Variants in TTLL6 observed in about 807,000 individuals in gnomAD.
TTLL6 encodes tubulin polyglutamylase TTLL6.
A neutral mutation model predicts 96.4 loss-of-function variants in TTLL6; 75 were observed. The observed-to-expected ratio is 0.78, with a 90% CI of 0.65 to 0.94. TTLL6 has a LOEUF of 0.94. Among genes scored for constraint, TTLL6 ranks in the 40% least tolerant of loss-of-function variants. The pLI, the probability that TTLL6 is intolerant of heterozygous loss-of-function variation, is 0.00. For missense variants in TTLL6, 1,030 were observed against 1,093.0 expected, an observed-to-expected ratio of 0.94 and a Z score of 0.81; for synonymous variants, 411 against 419.4, an observed-to-expected ratio of 0.98 and a Z score of 0.24.
rs2039375729 is a variant in TTLL6 at position 48,799,628 on chromosome 17, C to G, written c.744G>C (p.Met248Ile). Residue 248 changes from methionine (M) to isoleucine (I), a missense_variant, in exon 6 of 16, where the codon ATG (methionine) becomes ATC (isoleucine). Coordinates refer to ENST00000393382, the MANE Select transcript of TTLL6 (RefSeq NM_001130918.3). ...CCTTTGAAATATACAGCTGACAGAT[C>G]ATATCCTCCCCTGGTTTGATTTCTT... is the stretch of plus-strand genomic sequence containing the variant. ...TVKEIKPGED[M>I]ICQLYISKPF... 6.4e-7 allele frequency: 1 copy of G among 1,551,980 alleles called. No homozygotes were observed. The highest frequency in any genetic ancestry group is 2.4e-5 in the East Asian group (1 of 40,920).
chr17:48,788,792 A>ACCTT (rs1436490429), intron 10 of TTLL6, among the ~76,000 whole-genome samples: 1 of 151,908 alleles, frequency 6.6e-6, no homozygotes, highest in Non-Finnish European at 1.5e-5. Context: ...CTACCTACCT[A>ACCTT]CCCGCTCCTT....
intron 15 of TTLL6, 65 bp downstream of exon 15, chr17:48,768,924 T>C: frequency 6.5e-7 from 1 of 1,542,760 alleles, no homozygotes; most frequent in Non-Finnish European, 8.9e-7. Context: ...CTACCCAACA[T>C]TCCAGAAAAA....
chr17:48,799,277 G>T (rs187878025), intron 6 of TTLL6, among the ~76,000 whole-genome samples: 1 of 152,180 alleles, frequency 6.6e-6, no homozygotes, highest in Middle Eastern at 3.2e-3. Flanking sequence ...AAAGAGAAAA[G>T]CTGATTGCTC....
chr17:48,801,416 C>T (rs1251637302), intron 4 of TTLL6, 31 bp from the exon 5 acceptor site: 6 of 1,551,310 alleles, frequency 3.9e-6, no homozygotes, highest in Admixed American at 2.0e-5. Context: ...CATGAGCAAT[C>T]GAGGGACATG....
In TTLL6 at chr17:48,762,803, G is replaced by T; in HGVS notation, c.*171C>A. ...CTAACTGGGAGGGAACAGAGGCAGGGCTGTTGGCCCCATTGCTGCTACTAG... is the reference window on the plus strand; with the variant it reads ...CTAACTGGGAGGGAACAGAGGCAGGTCTGTTGGCCCCATTGCTGCTACTAG... On this transcript the variant is annotated 3_prime_UTR_variant, in exon 16 of 16. Coordinates refer to ENST00000393382, the MANE Select transcript of TTLL6 (RefSeq NM_001130918.3). 2.4e-6 allele frequency: 1 copy of T among 422,378 alleles called. No homozygotes were observed. The highest frequency in any genetic ancestry group is 4.7e-6 in the Non-Finnish European group (1 of 212,018). The allele number at this position is 422,378 out of a possible 1,614,324, so 26.2% of individuals were successfully genotyped here. A position where few individuals can be genotyped will look rare whatever the true frequency, so the allele number is the denominator to read the frequency against.
At chr17:48,789,560 A>G (rs1479912764) in intron 10 of TTLL6, among the ~76,000 whole-genome samples, 1 of 151,978 alleles carries the variant, frequency 6.6e-6, no homozygotes, top group South Asian at 2.1e-4. Context: ...CCATTCTTTT[A>G]TTTATTTATT....
intron 13 of TTLL6, among the ~76,000 whole-genome samples, chr17:48,782,755 C>T (rs2039013684): frequency 6.6e-6 from 1 of 151,776 alleles, no homozygotes; most frequent in South Asian, 2.1e-4. Context: ...GCTCTGTCAC[C>T]CAGGCTGGAG....
Position 48,799,486 on chromosome 17 carries a change from G to A in TTLL6, c.768+118C>T, listed in dbSNP as rs977309133. Reference sequence around the variant, plus strand: ...TGGTCTGACAAAGTGCAAGGCAGAAGCCAGGTCAGCTCCACCTCCACCTTC... The same window carrying A: ...TGGTCTGACAAAGTGCAAGGCAGAAACCAGGTCAGCTCCACCTCCACCTTC... On this transcript the variant is annotated intron_variant, in intron 6 of 15. Transcript: ENST00000393382. 5 of 1,099,640 alleles carry A rather than the reference G, an allele frequency of 4.5e-6. No individual in the cohort carries two copies. In the African/African-American group the frequency reaches 6.3e-5, roughly 14 times the overall value. 68.1% of individuals were successfully genotyped at this position (1,099,640 alleles called of 1,614,324 possible). A position where few individuals can be genotyped will look rare whatever the true frequency, so the allele number is the denominator to read the frequency against.
At chr17:48,789,568 A>ATT (rs1211435638) in intron 10 of TTLL6, among the ~76,000 whole-genome samples, 1 of 152,020 alleles carries the variant, frequency 6.6e-6, no homozygotes, top group African/African-American at 2.4e-5. Context: ...TTATTTATTT[A>ATT]TTTTGAGACG....
Position 48,785,111 on chromosome 17 carries a change from T to G in TTLL6, c.1852A>C (p.Asn618His). ...ERKNETDSSL[N>H]QEAPTEEASS... ...GCCTCCTCCGTGGGAGCCTCCTGGT[T>G]GAGGCTGCTGTCTGTTTCATTTTTC... Residue 618 changes from asparagine to histidine, a missense_variant, in exon 13 of 16, where the codon AAC becomes CAC. Transcript: ENST00000393382. 6.2e-7 allele frequency: 1 copy of G among 1,614,156 alleles called. No individual in the cohort carries two copies. The highest frequency in any genetic ancestry group is 8.5e-7 in the Non-Finnish European group (1 of 1,180,030).
chr17:48,789,950 A>AGTTC lies in TTLL6; in HGVS notation c.1380_1381insGAAC (p.Cys461GlufsTer10), dbSNP rs766021317. On this transcript the variant is annotated frameshift_variant, in exon 10 of 16. Transcript: ENST00000393382. LOFTEE classifies it high-confidence loss of function. Reference sequence around the variant, plus strand: ...ATGTACCTCATCTCCCGAGAACAACACTGCTGCAGGAACTGCCCCCGTTGT... The same window carrying AGTTC: ...ATGTACCTCATCTCCCGAGAACAACAGTTCCTGCTGCAGGAACTGCCCCCGTTGT... The AGTTC allele has an allele frequency of 2.5e-6, 4 of 1,614,164 alleles. No homozygotes were observed. The South Asian group carries it at 4.4e-5, about 18-fold the overall frequency.
chr17:48,801,034 G>A (rs1005484801), intron 5 of TTLL6, among the ~76,000 whole-genome samples: 12 of 152,172 alleles, frequency 7.9e-5, no homozygotes, highest in Non-Finnish European at 1.0e-4. Flanking sequence ...GCACGTACAG[G>A]CTCCAGGGCA....
At chr17:48,791,714 G>T in intron 8 of TTLL6, 111 bp from the exon 9 acceptor site, 5 of 876,616 alleles carry the variant, frequency 5.7e-6, no homozygotes, top group Non-Finnish European at 8.8e-6. Flanking sequence ...CAGAGCCAGC[G>T]AGGATGAACG....
intron 13 of TTLL6, among the ~76,000 whole-genome samples, chr17:48,783,284 C>T (rs901751640): frequency 2.0e-5 from 3 of 152,108 alleles, no homozygotes; most frequent in Admixed American, 6.6e-5. Flanking sequence ...CCAGTAATTA[C>T]AGTAGGGTCA....
intron 2 of TTLL6, chr17:48,804,441 G>A: frequency 2.0e-6 from 1 of 510,648 alleles, no homozygotes; most frequent in Non-Finnish European, 3.8e-6. Context: ...CTATCATACT[G>A]AAGGCGTACT....
chr17:48,817,219 G>T lies in TTLL6; in HGVS notation c.-147C>A, dbSNP rs1598011911. On this transcript the variant is annotated 5_prime_UTR_variant, in exon 1 of 16. Coordinates refer to ENST00000393382, the MANE Select transcript of TTLL6 (RefSeq NM_001130918.3). ...CCCTCCCTCCCGAATCCAATTAACC[G>T]CCCAGGCGCTAGGGGAGGGGCGCGC... The T allele has an allele frequency of 3.6e-6, 2 of 559,546 alleles. No individual in the cohort carries two copies. The highest frequency in any genetic ancestry group is 6.9e-5 in the East Asian group (2 of 29,014). The allele number at this position is 559,546 out of a possible 1,614,324, so 34.7% of individuals were successfully genotyped here.
chr17:48,785,248 T>C, intron 12 of TTLL6, 47 bp from the exon 13 acceptor site: 2 of 1,611,460 alleles, frequency 1.2e-6, no homozygotes, highest in Non-Finnish European at 1.7e-6. Context: ...AACCCAGCTC[T>C]ATCCACTTCC....
At chr17:48,777,103 T>C (rs927570327) in intron 13 of TTLL6, among the ~76,000 whole-genome samples, 1 of 151,676 alleles carries the variant, frequency 6.6e-6, no homozygotes, top group Admixed American at 6.6e-5. Flanking sequence ...TACATTTACA[T>C]GGTCAATCAC....
At chr17:48,771,965 C>T (rs978917742) in intron 13 of TTLL6, among the ~76,000 whole-genome samples, 2 of 152,092 alleles carry the variant, frequency 1.3e-5, no homozygotes, top group African/African-American at 4.8e-5. Context: ...ATTCCACCTA[C>T]TCGGGAGGCT....
Sources: allele counts gnomAD v4.1 joint callset (sites outside exome capture counted in the v4.1 genomes callset), GRCh38; gene constraint gnomAD v4.1.1; transcripts MANE v1.5; gene names NCBI Gene and HGNC (gene_info 2026-07-23, HGNC 2026-07-21).